The following SHB variants were observed in gnomAD, a reference collection of about 807,000 sequenced individuals.
The protein encoded by SHB is SH2 domain-containing adapter protein B.
Under a neutral mutation model 52.3 loss-of-function variants are expected in SHB, and 20 were observed. The observed-to-expected ratio is 0.38, with a 90% confidence interval of 0.27 to 0.56. The LOEUF (loss-of-function observed/expected upper bound fraction) is 0.56. SHB is among the 20% of genes least tolerant of loss of function. The pLI, the probability that SHB is intolerant of heterozygous loss-of-function variation, is 0.71. For missense variants in SHB, 825 were observed against 723.3 expected, an observed-to-expected ratio of 1.14 and a Z score of -1.61; for synonymous variants, 397 against 316.5, an observed-to-expected ratio of 1.25 and a Z score of -2.70.
chr9:37,965,249 T>C (rs1832736487), intron 3 of SHB, among the ~76,000 whole-genome samples: 1 of 152,198 alleles, frequency 6.6e-6, no homozygotes, highest in Admixed American at 6.5e-5. Context: ...CAAATATGGC[T>C]TGCCAGGGCT....
intron 1 of SHB, among the ~76,000 whole-genome samples, chr9:38,038,309 T>G (rs1281317048): frequency 6.6e-6 from 1 of 152,178 alleles, no homozygotes; most frequent in Non-Finnish European, 1.5e-5. Context: ...GCAATGGACC[T>G]GGGAGCCCCA....
At chr9:37,973,685 A>G (rs1241988166) in intron 3 of SHB, among the ~76,000 whole-genome samples, 1 of 152,240 alleles carries the variant, frequency 6.6e-6, no homozygotes, top group Non-Finnish European at 1.5e-5. Context: ...CCCAGATTCT[A>G]GAAAAACCAG....
At chr9:38,004,794 G>C (rs1821059422) in intron 2 of SHB, among the ~76,000 whole-genome samples, 1 of 152,214 alleles carries the variant, frequency 6.6e-6, no homozygotes, top group African/African-American at 2.4e-5. Flanking sequence ...AGATGGGAAG[G>C]AACACGGCCA....
intron 1 of SHB, among the ~76,000 whole-genome samples, chr9:38,022,176 G>A (rs895119468): frequency 6.6e-6 from 1 of 152,162 alleles, no homozygotes; most frequent in Non-Finnish European, 1.5e-5. Flanking sequence ...TGATGAAGTT[G>A]TGCCTCCCCT....
At chr9:37,993,612 AAACATT>A (rs752566362) in intron 2 of SHB, among the ~76,000 whole-genome samples, 4 of 152,260 alleles carry the variant, frequency 2.6e-5, no homozygotes, top group African/African-American at 7.2e-5. Context: ...ATGTTAACAT[AAACATT>A]GAGTTTGTGT....
chr9:37,997,046 G>A (rs928247515), intron 2 of SHB, among the ~76,000 whole-genome samples: 9 of 152,242 alleles, frequency 5.9e-5, no homozygotes, highest in Non-Finnish European at 1.2e-4. Context: ...CAGGCAGGAG[G>A]TGGGTGGGAG....
intron 5 of SHB, among the ~76,000 whole-genome samples, chr9:37,945,697 C>T (rs887832461): frequency 2.6e-5 from 4 of 152,210 alleles, no homozygotes; most frequent in Non-Finnish European, 5.9e-5. Flanking sequence ...AAGGCAAACA[C>T]AGAGTTGATG....
rs776226936 is a variant in SHB at position 38,016,139 on chromosome 9, G to A, written c.718-8C>T. On this transcript the variant is annotated splice_polypyrimidine_tract_variant and splice_region_variant and intron_variant, in intron 1 of 5. Coordinates refer to ENST00000377707, the MANE Select transcript of SHB (RefSeq NM_003028.3). ...GTCATCGGCTATGGTCACCTGCAGG[G>A]AGGAAGATGGCAGGTGTGAGTCCAC... The A allele has an allele frequency of 1.4e-5, 22 of 1,613,852 alleles. No homozygotes were observed. Among genetic ancestry groups the A allele is most frequent in the Non-Finnish European group, 1.8e-5 (21 of 1,179,890 alleles).
At chr9:37,976,847 A>G (rs1028151502) in intron 2 of SHB, among the ~76,000 whole-genome samples, 1 of 152,214 alleles carries the variant, frequency 6.6e-6, no homozygotes, top group Non-Finnish European at 1.5e-5. Flanking sequence ...CTCCTTGAAG[A>G]GCAGCTGATA....
chr9:38,006,174 T>C (rs1230403065), intron 2 of SHB, among the ~76,000 whole-genome samples: 1 of 152,118 alleles, frequency 6.6e-6, no homozygotes, highest in Non-Finnish European at 1.5e-5. Flanking sequence ...CAGCACCCAC[T>C]GGCTGGTGGG....
intron 4 of SHB, among the ~76,000 whole-genome samples, chr9:37,949,581 G>C (rs532558769): frequency 6.6e-6 from 1 of 152,288 alleles, no homozygotes; most frequent in East Asian, 1.9e-4. Flanking sequence ...AACAGCTAGG[G>C]GCCAGCATGG....
intron 1 of SHB, among the ~76,000 whole-genome samples, chr9:38,047,390 T>C (rs1821669553): frequency 6.6e-6 from 1 of 152,194 alleles, no homozygotes; most frequent in Admixed American, 6.5e-5. Context: ...CCAATCTTCT[T>C]ACCCACAAGT....
At chr9:37,953,836 C>T (rs1832595321) in intron 4 of SHB, among the ~76,000 whole-genome samples, 3 of 152,260 alleles carry the variant, frequency 2.0e-5, no homozygotes, top group Admixed American at 2.0e-4. Flanking sequence ...GCAAACCCCT[C>T]GGGTGATGAG....
chr9:37,973,475 G>A (rs182919019), intron 3 of SHB, among the ~76,000 whole-genome samples: 212 of 152,254 alleles, frequency 1.4e-3, no homozygotes, highest in African/African-American at 4.6e-3. Context: ...CACCCGCCTC[G>A]GCCTCCCAAA....
At chr9:38,058,676 C>T (rs2118184453) in intron 1 of SHB, among the ~76,000 whole-genome samples, 1 of 152,292 alleles carries the variant, frequency 6.6e-6, no homozygotes, top group Non-Finnish European at 1.5e-5. Flanking sequence ...CCGACATCCT[C>T]TGCCCCACAC....
At chr9:38,046,826 G>A (rs554981787) in intron 1 of SHB, among the ~76,000 whole-genome samples, 153 of 152,330 alleles carry the variant, frequency 1.0e-3, no homozygotes, top group African/African-American at 3.6e-3. Context: ...TCCCTTCGTC[G>A]CTTGTGGCTT....
intron 2 of SHB, chr9:38,015,240 G>T: frequency 1.7e-6 from 1 of 595,182 alleles, no homozygotes; most frequent in Non-Finnish European, 3.0e-6. Context: ...CCACAACAGG[G>T]GTTTCCCTTT....
intron 1 of SHB, among the ~76,000 whole-genome samples, chr9:38,035,617 T>G (rs1587256039): frequency 6.6e-6 from 1 of 151,920 alleles, no homozygotes; most frequent in East Asian, 1.9e-4. Context: ...ATGCCCACGG[T>G]GGGGTAGGTC....
chr9:38,062,834 A>T (rs1394023512), intron 1 of SHB, among the ~76,000 whole-genome samples: 6 of 152,206 alleles, frequency 3.9e-5, no homozygotes, highest in Admixed American at 1.3e-4. Flanking sequence ...TTATTGGGAT[A>T]CAGCTGTTCC....
Sources: allele counts gnomAD v4.1 joint callset (sites outside exome capture counted in the v4.1 genomes callset), GRCh38; gene constraint gnomAD v4.1.1; transcripts MANE v1.5; gene names NCBI Gene and HGNC (gene_info 2026-07-23, HGNC 2026-07-21).